LRRTM4: variants seen among roughly 807,000 people sequenced by gnomAD.
The protein encoded by LRRTM4 is leucine rich repeat transmembrane neuronal 4.
In LRRTM4, 25 loss-of-function variants were observed where a neutral mutation model predicts 47.6. The observed-to-expected ratio is 0.53, with a 90% confidence interval of 0.38 to 0.73. LRRTM4 has a LOEUF of 0.73. Among genes scored for constraint, LRRTM4 ranks in the 30% least tolerant of loss-of-function variants. The probability of loss-of-function intolerance (pLI) is 0.00; values close to 1 mark genes in which losing one functional copy is unlikely to be tolerated. For synonymous variants in LRRTM4, 311 were observed against 269.5 expected (o/e 1.15, Z -1.51); for missense variants, 638 against 713.4 (o/e 0.89, Z 1.20).
chr2:77,280,029 G>A (rs1471850205), intron 3 of LRRTM4, among the ~76,000 whole-genome samples: 3 of 151,968 alleles, frequency 2.0e-5, no homozygotes, highest in Admixed American at 6.6e-5. Flanking sequence ...GCATGGCAAA[G>A]GATAATTAAG....
At chr2:77,350,378 T>C (rs1172303400) in intron 3 of LRRTM4, among the ~76,000 whole-genome samples, 1 of 140,142 alleles carries the variant, frequency 7.1e-6, no homozygotes, top group South Asian at 2.3e-4. Flanking sequence ...TTGGAAATGC[T>C]GAGGTGTTAC....
chr2:77,492,813 A>T (rs1481005528), intron 3 of LRRTM4, among the ~76,000 whole-genome samples: 1 of 152,156 alleles, frequency 6.6e-6, no homozygotes, highest in Admixed American at 6.5e-5. Context: ...TGTGAATATT[A>T]TCATTAGGAT....
intron 3 of LRRTM4, among the ~76,000 whole-genome samples, chr2:76,807,078 A>G: frequency 6.6e-6 from 1 of 152,094 alleles, no homozygotes; most frequent in East Asian, 1.9e-4. Flanking sequence ...GGCTGCTTCT[A>G]CATTCATGGG....
chr2:76,868,074 C>A (rs375235553), intron 3 of LRRTM4, among the ~76,000 whole-genome samples: 35 of 152,240 alleles, frequency 2.3e-4, no homozygotes, highest in African/African-American at 8.2e-4. Context: ...CCGTCCTACA[C>A]AGGATATTAG....
intron 3 of LRRTM4, among the ~76,000 whole-genome samples, chr2:77,353,445 T>G (rs1474698991): frequency 6.6e-6 from 1 of 152,130 alleles, no homozygotes; most frequent in Non-Finnish European, 1.5e-5. Context: ...TTCTATTGTA[T>G]GGCTAACTCA....
intron 3 of LRRTM4, among the ~76,000 whole-genome samples, chr2:77,018,364 G>T (rs115951583): frequency 0.012 from 1,849 of 148,426 alleles, 40 homozygotes; most frequent in African/African-American, 0.044. Flanking sequence ...GACTCCTAAG[G>T]GTTCTTTTGT....
At chr2:76,766,600 T>C (rs1474778219) in intron 3 of LRRTM4, among the ~76,000 whole-genome samples, 1 of 152,220 alleles carries the variant, frequency 6.6e-6, no homozygotes, top group African/African-American at 2.4e-5. Context: ...GTCTGGCTGA[T>C]TCATTTCTGT....
chr2:76,899,201 C>G (rs1189846858), intron 3 of LRRTM4, among the ~76,000 whole-genome samples: 2 of 151,346 alleles, frequency 1.3e-5, no homozygotes, highest in East Asian at 3.9e-4. Context: ...ACAATTTATT[C>G]AACAAATATA....
At chr2:77,305,750 A>G (rs1677253248) in intron 3 of LRRTM4, among the ~76,000 whole-genome samples, 2 of 151,156 alleles carry the variant, frequency 1.3e-5, no homozygotes, top group African/African-American at 4.9e-5. Context: ...TGGATGTTAT[A>G]CTTTCTGAGA....
chr2:77,514,765 C>T (rs2104113029), intron 3 of LRRTM4, among the ~76,000 whole-genome samples: 1 of 151,800 alleles, frequency 6.6e-6, no homozygotes, highest in East Asian at 1.9e-4. Flanking sequence ...TCTTTCTTGT[C>T]CTTTGTTCAC....
intron 3 of LRRTM4, among the ~76,000 whole-genome samples, chr2:77,292,538 T>C (rs1227091588): frequency 1.3e-5 from 2 of 152,010 alleles, no homozygotes; most frequent in African/African-American, 2.4e-5. Flanking sequence ...TGAGTTCATG[T>C]CCTTTGTAGG....
intron 3 of LRRTM4, among the ~76,000 whole-genome samples, chr2:76,882,324 A>G (rs1307245705): frequency 6.6e-6 from 1 of 152,046 alleles, no homozygotes; most frequent in East Asian, 1.9e-4. Context: ...ATTTATTATT[A>G]TATTTTAATA....
chr2:77,194,684 T>G (rs1256381775), intron 3 of LRRTM4, among the ~76,000 whole-genome samples: 2 of 152,236 alleles, frequency 1.3e-5, no homozygotes, highest in East Asian at 3.9e-4. Flanking sequence ...GCCTTATAAA[T>G]CTTGCAAAAC....
intron 3 of LRRTM4, among the ~76,000 whole-genome samples, chr2:77,041,450 G>C (rs1197316234): frequency 6.6e-6 from 1 of 151,476 alleles, no homozygotes; most frequent in Non-Finnish European, 1.5e-5. Context: ...GAGACAGCCA[G>C]ATCATACAGT....
intron 3 of LRRTM4, among the ~76,000 whole-genome samples, chr2:77,154,960 G>A (rs1438171775): frequency 6.6e-6 from 1 of 152,106 alleles, no homozygotes; most frequent in African/African-American, 2.4e-5. Flanking sequence ...AATTAAAGAA[G>A]ATATGATTTG....
chr2:76,805,742 A>G (rs968651992), intron 3 of LRRTM4, among the ~76,000 whole-genome samples: 1 of 152,160 alleles, frequency 6.6e-6, no homozygotes, highest in African/African-American at 2.4e-5. Flanking sequence ...CATCCACCAG[A>G]AAGAAAACCC....
At chr2:77,149,095 T>C (rs1480830262) in intron 3 of LRRTM4, among the ~76,000 whole-genome samples, 1 of 152,174 alleles carries the variant, frequency 6.6e-6, no homozygotes. Flanking sequence ...TATTAGTAAG[T>C]ACTGTGACCA....
At position 76,819,433 on chromosome 2, in the gene LRRTM4, TAAGA is replaced by T. The variant is rs530131357; in HGVS notation, c.1552-70521_1552-70518del. On this transcript the variant is annotated intron_variant, in intron 3 of 3. Transcript: ENST00000409884. ...AACATAGCAAAAGAAACCTAGAAACTAAGAAAGAGCAAGGAAACATTCTATAATT... is the reference window on the plus strand; with the variant it reads ...AACATAGCAAAAGAAACCTAGAAACTAAGAGCAAGGAAACATTCTATAATT... Among the ~76,000 whole-genome samples, 385 of 151,836 alleles carry T rather than the reference TAAGA, an allele frequency of 2.5e-3. 1 individual carries two copies. The highest frequency in any genetic ancestry group is 8.9e-3 in the African/African-American group (369 of 41,484).
chr2:77,199,929 A>C (rs775975724), intron 3 of LRRTM4, among the ~76,000 whole-genome samples: 11 of 152,094 alleles, frequency 7.2e-5, no homozygotes, highest in Non-Finnish European at 1.5e-4. Flanking sequence ...TTTCCATAAA[A>C]AGCTCAAAAC....
Sources: gnomAD v4.1 joint callset for allele counts (sites outside exome capture counted in the v4.1 genomes callset) on GRCh38, gnomAD v4.1.1 for gene constraint, MANE v1.5 for transcripts, NCBI Gene and HGNC (gene_info 2026-07-23, HGNC 2026-07-21) for gene names.